CPLANE1: variants seen among roughly 807,000 people sequenced by gnomAD.
CPLANE1 encodes the protein ciliogenesis and planar polarity effector complex subunit 1.
In CPLANE1, 263 loss-of-function variants were observed where a neutral mutation model predicts 362.5. The observed-to-expected ratio is 0.73, with a 90% CI of 0.66 to 0.80. The LOEUF is 0.80. Among genes scored for constraint, CPLANE1 ranks in the 30% least tolerant of loss-of-function variants. CPLANE1 has a pLI of 0.00. For missense variants in CPLANE1, 3,461 were observed against 3,793.4 expected (o/e 0.91, Z 2.30); for synonymous variants, 1,212 against 1,302.6 (o/e 0.93, Z 1.50).
rs11284644 is a variant in CPLANE1, at chr5:37,147,971, C to CAAAAAAAAAAAAAAAAAAAAA, written c.8461+189_8461+209dup. Among the ~76,000 whole-genome samples the CAAAAAAAAAAAAAAAAAAAAA allele has an allele frequency of 5.9e-4, 9 of 15,312 alleles. 1 individual carries two copies. Among genetic ancestry groups the CAAAAAAAAAAAAAAAAAAAAA allele is most frequent in the Non-Finnish European group, 1.3e-3 (7 of 5,460 alleles). 10.0% of individuals were successfully genotyped at this position (15,312 alleles called of 152,430 possible). On this transcript the variant is annotated intron_variant, in intron 43 of 52. Transcript: ENST00000651892. The stretch of plus-strand genomic sequence containing the variant: ...AATCCAGAGGAGGTTACTGCCTTCT[C>CAAAAAAAAAAAAAAAAAAAAA]AAAAAAAAAAAAAAAAAAAAAAAAA...
rs1190669095 is a variant in CPLANE1, at chr5:37,184,976, C to T, written c.4293G>A (p.Val1431=). The change falls in exon 25 of 53, where the codon GTG becomes GTA. Residue 1431 remains valine (V), a synonymous_variant. Transcript: ENST00000651892. ...RVQRNIGSFE[V]NIWEPIEEEK... ...CTTCTTCAATTGGTTCCCATATATTCACTTCAAAAGAGCCTATATTTCTCT... is the reference window on the plus strand; with the variant it reads ...CTTCTTCAATTGGTTCCCATATATTTACTTCAAAAGAGCCTATATTTCTCT... The T allele has an allele frequency of 6.2e-7, 1 of 1,614,086 alleles. No homozygotes were observed. Among genetic ancestry groups the T allele is most frequent in the South Asian group, 1.1e-5 (1 of 91,082 alleles).
Position 37,169,477 on chromosome 5 carries a change from G to A in CPLANE1, c.6547C>T (p.Pro2183Ser). 6.2e-7 allele frequency: 1 copy of A among 1,614,084 alleles called. No individual in the cohort carries two copies. Residue 2183 changes from proline (P) to serine (S), a missense_variant, in exon 34 of 53, where the codon CCA (proline) becomes TCA (serine). Physicochemically the swap from Pro to Ser is moderately conservative, Grantham distance 74. Around this residue, in one of 2 missense-constraint regions of CPLANE1, gnomAD observed 3,380 missense variants for 3,666.1 expected, o/e 0.92. Transcript: ENST00000651892. Reference sequence around the variant, plus strand: ...GGAGCTGGATAAAACGAAGTGGATGGTAAGTTTTGAGATGATGGAATTGGT... The same window carrying A: ...GGAGCTGGATAAAACGAAGTGGATGATAAGTTTTGAGATGATGGAATTGGT... Reference protein sequence around the residue: ...KGPIPSSQNLPSTSFYPAPAG... With the variant: ...KGPIPSSQNLSSTSFYPAPAG...
At chr5:37,225,546 G>C (rs899093470) in intron 12 of CPLANE1, among the ~76,000 whole-genome samples, 13 of 152,154 alleles carry the variant, frequency 8.5e-5, no homozygotes, top group African/African-American at 3.1e-4. Flanking sequence ...TTTTAAAGAG[G>C]TCATTTTTTT....
At chr5:37,107,820 A>G in intron 52 of CPLANE1, 42 bp from the exon 53 acceptor site, 1 of 1,497,194 alleles carries the variant, frequency 6.7e-7, no homozygotes, top group Non-Finnish European at 8.9e-7. Context: ...GCCCCTAAAA[A>G]CAAACAAAAA....
At chr5:37,162,204 G>T (rs1314588469) in intron 38 of CPLANE1, among the ~76,000 whole-genome samples, 1 of 152,116 alleles carries the variant, frequency 6.6e-6, no homozygotes, top group African/African-American at 2.4e-5. Flanking sequence ...ATAACATAGA[G>T]AATCCAAATT....
intron 46 of CPLANE1, chr5:37,130,428 A>T (rs1282363399): frequency 4.6e-6 from 1 of 217,352 alleles, no homozygotes; most frequent in Non-Finnish European, 9.9e-6. Flanking sequence ...TATCAAAGAC[A>T]ATGGCCAAGA....
At chr5:37,202,277 T>G (rs999341872) in intron 18 of CPLANE1, among the ~76,000 whole-genome samples, 1 of 151,866 alleles carries the variant, frequency 6.6e-6, no homozygotes, top group Non-Finnish European at 1.5e-5. Context: ...TTTTCCCACC[T>G]AAGCCTCCTG....
At chr5:37,205,156 C>G (rs1790357107) in intron 18 of CPLANE1, 159 bp downstream of exon 18, 6 of 506,678 alleles carry the variant, frequency 1.2e-5, no homozygotes, top group Non-Finnish European at 1.8e-5. Context: ...CACTCCATCT[C>G]AAAAAATAAT....
chr5:37,148,706 G>A (rs1283967922), intron 42 of CPLANE1, among the ~76,000 whole-genome samples: 1 of 152,162 alleles, frequency 6.6e-6, no homozygotes, highest in Non-Finnish European at 1.5e-5. Context: ...GGCAAGTGAA[G>A]ATGTTTGTAT....
rs759463156 is a variant in CPLANE1 at position 37,201,604 on chromosome 5, G to A, written c.3494C>T (p.Ala1165Val). The A allele has an allele frequency of 6.2e-6, 10 of 1,613,054 alleles. No homozygotes were observed. In the East Asian group the frequency reaches 2.0e-4, roughly 32 times the overall value. Residue 1165 changes from alanine to valine, a missense_variant, in exon 19 of 53, where the codon GCT becomes GTT. Ala to Val is a moderately conservative substitution (Grantham distance 64). Around this residue, in one of 2 missense-constraint regions of CPLANE1, gnomAD observed 3,380 missense variants for 3,666.1 expected, o/e 0.92. Transcript: ENST00000651892. ...CTATAAGCTTACTTCACTAAGAATA[G>A]CTGGCTGGGGACAGTACAATGGAGG... Reference protein sequence around the residue: ...PAPPLYCPQPAILSEEDGDDL... With the variant: ...PAPPLYCPQPVILSEEDGDDL...
chr5:37,108,524 C>A, intron 51 of CPLANE1, 53 bp from the exon 52 acceptor site: 2 of 1,489,352 alleles, frequency 1.3e-6, no homozygotes, highest in South Asian at 1.2e-5. Context: ...TTCATTCATT[C>A]ATTCATTTGT....
At chr5:37,075,827 T>TTATC in the CPLANE1 span, among the ~76,000 whole-genome samples, 1 of 152,162 alleles carries the variant, frequency 6.6e-6, no homozygotes, top group Non-Finnish European at 1.5e-5. Flanking sequence ...AGATACTTAC[T>TTATC]TATCTATTTA....
intron 44 of CPLANE1, chr5:37,141,420 C>A: frequency 3.0e-6 from 3 of 985,164 alleles, no homozygotes; most frequent in Non-Finnish European, 3.6e-6. Flanking sequence ...ATATATGATA[C>A]TCAGTCTTCA....
intron 47 of CPLANE1, among the ~76,000 whole-genome samples, chr5:37,122,885 A>C (rs1763068085): frequency 6.6e-6 from 1 of 152,162 alleles, no homozygotes; most frequent in Admixed American, 6.5e-5. Context: ...CGTTTCAAAA[A>C]AATAAATAAA....
chr5:37,189,123 C>T (rs985761264), intron 21 of CPLANE1, among the ~76,000 whole-genome samples: 5 of 152,212 alleles, frequency 3.3e-5, no homozygotes, highest in Non-Finnish European at 5.9e-5. Context: ...TAAGCTACCA[C>T]ACCCAGCCTA....
At chr5:37,149,871 T>G (rs79424531) in intron 42 of CPLANE1, among the ~76,000 whole-genome samples, 3,244 of 152,292 alleles carry the variant, frequency 0.021, 125 homozygotes, top group African/African-American at 0.075. Flanking sequence ...TAAATAACTG[T>G]TCTACTGGTG....
At chr5:37,184,666 C>T (rs574627489) in intron 25 of CPLANE1, 122 bp downstream of exon 25, 19 of 737,848 alleles carry the variant, frequency 2.6e-5, no homozygotes, top group Non-Finnish European at 4.2e-5. Context: ...TGGCACTTAT[C>T]ATTCATATTA....
Position 37,244,502 on chromosome 5 carries a change from T to G in CPLANE1, c.443A>C (p.Asn148Thr), listed in dbSNP as rs549015748. 6.4e-7 allele frequency: 1 copy of G among 1,551,966 alleles called. No individual in the cohort carries two copies. The highest frequency in any genetic ancestry group is 8.7e-7 in the Non-Finnish European group (1 of 1,147,014). Reference protein sequence around the residue: ...IFLWEYLELKNILSSKSLSLA... With the variant: ...IFLWEYLELKTILSSKSLSLA... Reference sequence around the variant, plus strand: ...TGAAAGGCTTTTAGAAGATAAGATATTCTTTAATTCCAAATATTCCCAAAG... The same window carrying G: ...TGAAAGGCTTTTAGAAGATAAGATAGTCTTTAATTCCAAATATTCCCAAAG... The change falls in exon 5 of 53, where the codon AAT (asparagine) becomes ACT (threonine). Residue 148 changes from asparagine to threonine, a missense_variant. Coordinates refer to ENST00000651892, the MANE Select transcript of CPLANE1 (RefSeq NM_001384732.1).
the CPLANE1 span, chr5:37,085,568 C>A: frequency 1.1e-3 from 914 of 843,550 alleles, 3 homozygotes; most frequent in Middle Eastern, 8.7e-3. Flanking sequence ...TTACTGTTTT[C>A]ATCAAGTTCA....
Sources: allele counts gnomAD v4.1 joint callset (sites outside exome capture counted in the v4.1 genomes callset), GRCh38; gene constraint gnomAD v4.1.1; regional missense constraint gnomAD v4.1.1; transcripts MANE v1.5; gene names NCBI Gene and HGNC (gene_info 2026-07-23, HGNC 2026-07-21).